Variants in RAB6C observed in about 807,000 individuals in gnomAD.
The protein encoded by RAB6C is ras-related protein Rab-6C.
In RAB6C, 8 loss-of-function variants were observed where a neutral mutation model predicts 17.2. The ratio of observed to expected loss-of-function variants is 0.46; its 90% confidence interval spans 0.27 to 0.84. The LOEUF (loss-of-function observed/expected upper bound fraction) is 0.84. Ranked by LOEUF, RAB6C falls within the 40% of genes least tolerant of loss-of-function variation. RAB6C has a pLI of 0.13. For missense variants in RAB6C, 151 were observed against 306.5 expected, an observed-to-expected ratio of 0.49 and a Z score of 3.79; for synonymous variants, 78 against 118.9, an observed-to-expected ratio of 0.66 and a Z score of 2.24.
At position 129,980,344 on chromosome 2, in the gene RAB6C, A is replaced by G. The variant is rs1681733350; in HGVS notation, c.229A>G (p.Ser77Gly). 6.2e-7 allele frequency: 1 copy of G among 1,610,946 alleles called. No individual in the cohort carries two copies. Among genetic ancestry groups the G allele is most frequent in the African/African-American group, 1.4e-5 (1 of 73,814 alleles). ...WDTAGQERLR[S>G]LIPRYIRDSA... The stretch of plus-strand genomic sequence containing the variant: ...TACGGCGGGTCAGGAACGTCTCCGT[A>G]GCCTCATTCCCAGGTACATCCGTGA... The change falls in exon 1 of 1, where the codon AGC (serine) becomes GGC (glycine). Residue 77 changes from serine (S) to glycine (G), a missense_variant. Physicochemically the swap from Ser to Gly is moderately conservative, Grantham distance 56. Coordinates refer to ENST00000410061, the MANE Select transcript of RAB6C (RefSeq NM_032144.3).
Position 129,979,895 on chromosome 2 carries a change from T to C in RAB6C, c.-221T>C. The stretch of plus-strand genomic sequence containing the variant: ...CTTCCCAGCCGCGGGCCTCGCTCCG[T>C]GCTCGGCTACTCTGCCGGGAGGCGG... On this transcript the variant is annotated 5_prime_UTR_variant, in exon 1 of 1. Transcript: ENST00000410061. The C allele has an allele frequency of 2.5e-6, 2 of 798,274 alleles. No individual in the cohort carries two copies. The highest frequency in any genetic ancestry group is 3.9e-6 in the Non-Finnish European group (2 of 506,336). 49.4% of individuals were successfully genotyped at this position (798,274 alleles called of 1,614,324 possible).
Position 129,981,052 on chromosome 2 carries a change from C to T in RAB6C, c.*172C>T, listed in dbSNP as rs1681755145. The stretch of plus-strand genomic sequence containing the variant: ...ATGTACTTCAAAATGATGGAAATCT[C>T]AACAGTATGAGTATGGCTTGGTTAA... On this transcript the variant is annotated 3_prime_UTR_variant, in exon 1 of 1. Coordinates refer to ENST00000410061, the MANE Select transcript of RAB6C (RefSeq NM_032144.3). The T allele has an allele frequency of 4.5e-6, 3 of 672,800 alleles. No homozygotes were observed. Among genetic ancestry groups the T allele is most frequent in the Non-Finnish European group, 2.5e-6 (1 of 393,962 alleles). 41.7% of individuals were successfully genotyped at this position (672,800 alleles called of 1,614,324 possible).
In RAB6C at chr2:129,981,002, T is replaced by G; in HGVS notation, c.*122T>G. 3 of 1,374,526 alleles carry G rather than the reference T, an allele frequency of 2.2e-6. No homozygotes were observed. The highest frequency in any genetic ancestry group is 3.0e-5 in the South Asian group (2 of 66,110). 85.1% of individuals were successfully genotyped at this position (1,374,526 alleles called of 1,614,324 possible). On this transcript the variant is annotated 3_prime_UTR_variant, in exon 1 of 1. Transcript: ENST00000410061. Reference sequence around the variant, plus strand: ...AAAATTAGATACATTTTCTTAACATTTTTTTCTTTTTTAATGTTATGATAA... The same window carrying G: ...AAAATTAGATACATTTTCTTAACATGTTTTTCTTTTTTAATGTTATGATAA...
rs1270729041 is a variant in RAB6C, at chr2:129,980,775, G to A, written c.660G>A (p.Lys220=). ...SPMSSSTLPQ[K]PPYSFIDCSV... is the part of the protein sequence containing the mutation. ...TGTCATCTTCAACCCTTCCTCAGAAGCCCCCTTACTCTTTCATTGACTGCA... is the reference window on the plus strand; with the variant it reads ...TGTCATCTTCAACCCTTCCTCAGAAACCCCCTTACTCTTTCATTGACTGCA... The change falls in exon 1 of 1, where the codon AAG becomes AAA. Residue 220 remains lysine, a synonymous_variant. Coordinates refer to ENST00000410061, the MANE Select transcript of RAB6C (RefSeq NM_032144.3). 1.2e-6 allele frequency: 2 copies of A among 1,605,166 alleles called. No homozygotes were observed. The highest frequency in any genetic ancestry group is 4.5e-5 in the East Asian group (2 of 44,606).
chr2:129,980,662 G>A lies in RAB6C; in HGVS notation c.547G>A (p.Gly183Arg), dbSNP rs747296971. The A allele has an allele frequency of 4.3e-6, 7 of 1,611,136 alleles. No individual in the cohort carries two copies. The highest frequency in any genetic ancestry group is 1.6e-4 in the Middle Eastern group (1 of 6,084). The change falls in exon 1 of 1, where the codon GGA (glycine) becomes AGA (arginine). Residue 183 changes from glycine to arginine, a missense_variant. Gly to Arg is a moderately radical substitution (Grantham distance 125, BLOSUM62 -2). This residue lies in a region of RAB6C where 136 missense variants were observed against 200.0 expected (regional missense o/e 0.68). Transcript: ENST00000410061. ...ALPGMESTQD[G>R]SREDMSDIKL... ...GCCGGGAATGGAAAGCACACAGGAC[G>A]GAAGCAGAGAAGACATGAGTGACAT... is the stretch of plus-strand genomic sequence containing the variant.
chr2:129,980,493 T>A lies in RAB6C; in HGVS notation c.378T>A (p.Asn126Lys). 1 of 1,614,120 alleles carries A rather than the reference T, an allele frequency of 6.2e-7. No homozygotes were observed. Among genetic ancestry groups the A allele is most frequent in the Middle Eastern group, 1.6e-4 (1 of 6,062 alleles). The change falls in exon 1 of 1, where the codon AAT (asparagine) becomes AAA (lysine). Residue 126 changes from asparagine to lysine, a missense_variant. Physicochemically the swap from Asn to Lys is moderately conservative, Grantham distance 94. Transcript: ENST00000410061. ...GSDVIITLVGNRTDLADKRQV... is the reference protein window; with the variant it reads ...GSDVIITLVGKRTDLADKRQV... ...ATGTTATCATCACGCTAGTAGGAAATAGAACAGATCTTGCTGACAAGAGGC... is the reference window on the plus strand; with the variant it reads ...ATGTTATCATCACGCTAGTAGGAAAAAGAACAGATCTTGCTGACAAGAGGC...
Position 129,979,929 on chromosome 2 carries a change from G to C in RAB6C, c.-187G>C. ...ACTCTGCCGGGAGGCGGCGGCGGCT[G>C]CCAGTCTGTGGCGAGCCCTGCTGCC... On this transcript the variant is annotated 5_prime_UTR_variant, in exon 1 of 1. Transcript: ENST00000410061. 9.2e-7 allele frequency: 1 copy of C among 1,082,570 alleles called. No homozygotes were observed. The highest frequency in any genetic ancestry group is 1.3e-6 in the Non-Finnish European group (1 of 765,330). The allele number at this position is 1,082,570 out of a possible 1,614,324, so 67.1% of individuals were successfully genotyped here.
At position 129,980,605 on chromosome 2, in the gene RAB6C, A is replaced by G. The variant is rs368073418; in HGVS notation, c.490A>G (p.Lys164Glu). The change falls in exon 1 of 1, where the codon AAG (lysine) becomes GAG (glutamate). Residue 164 changes from lysine to glutamate, a missense_variant. Physicochemically the swap from Lys to Glu is moderately conservative, Grantham distance 56. Around this residue, in one of 2 missense-constraint regions of RAB6C, gnomAD observed 136 missense variants for 200.0 expected, o/e 0.68. Transcript: ENST00000410061. Reference sequence around the variant, plus strand: ...TAGGGCAAAAGCTGGATACAATGTAAAGCAGCTCTTTCGACGTGTAGCAGC... The same window carrying G: ...TAGGGCAAAAGCTGGATACAATGTAGAGCAGCTCTTTCGACGTGTAGCAGC... ...ETRAKAGYNV[K>E]QLFRRVAAAL... is the part of the protein sequence containing the mutation. 6.2e-6 allele frequency: 10 copies of G among 1,613,300 alleles called. No homozygotes were observed. The highest frequency in any genetic ancestry group is 8.5e-6 in the Non-Finnish European group (10 of 1,179,772).
chr2:129,980,798 G>T lies in RAB6C; in HGVS notation c.683G>T (p.Cys228Phe). The T allele has an allele frequency of 1.3e-6, 2 of 1,587,298 alleles. No homozygotes were observed. The highest frequency in any genetic ancestry group is 1.2e-5 in the South Asian group (1 of 86,250). ...PQKPPYSFID[C>F]SVNIGLNLFP... ...AAGCCCCCTTACTCTTTCATTGACT[G>T]CAGTGTGAATATTGGCTTGAACCTT... Residue 228 changes from cysteine (C) to phenylalanine (F), a missense_variant, in exon 1 of 1, where the codon TGC becomes TTC. Cys to Phe is a radical substitution (Grantham distance 205). Transcript: ENST00000410061.
In RAB6C at chr2:129,980,820, C is replaced by T. The variant is rs759931171; in HGVS notation, c.705C>T (p.Asn235=). ...FIDCSVNIGL[N]LFPSLITFCN... ...ACTGCAGTGTGAATATTGGCTTGAA[C>T]CTTTTCCCTTCATTAATAACGTTTT... Residue 235 remains asparagine (N), a synonymous_variant, in exon 1 of 1, where the codon AAC becomes AAT. Coordinates refer to ENST00000410061, the MANE Select transcript of RAB6C (RefSeq NM_032144.3). 6.3e-7 allele frequency: 1 copy of T among 1,594,868 alleles called. No individual in the cohort carries two copies.
rs1246637348 is a variant in RAB6C at position 129,980,179 on chromosome 2, C to A, written c.64C>A (p.Gln22Lys). Residue 22 changes from glutamine (Q) to lysine (K), a missense_variant, in exon 1 of 1, where the codon CAA becomes AAA. By Grantham distance (53) the Gln-to-Lys change is moderately conservative. Around this residue, in one of 2 missense-constraint regions of RAB6C, gnomAD observed 15 missense variants for 106.6 expected, o/e 0.14. Transcript: ENST00000410061. ...ATTCAAGCTGGTGTTCCTGGGGGAGCAAAGCGTTGCAAAGACATCTTTGAT... is the reference window on the plus strand; with the variant it reads ...ATTCAAGCTGGTGTTCCTGGGGGAGAAAAGCGTTGCAAAGACATCTTTGAT... ...RKFKLVFLGE[Q>K]SVAKTSLITR... 6.2e-7 allele frequency: 1 copy of A among 1,604,054 alleles called. No homozygotes were observed. The highest frequency in any genetic ancestry group is 2.2e-5 in the East Asian group (1 of 44,626).
chr2:129,980,910 C>T lies in RAB6C; in HGVS notation c.*30C>T, dbSNP rs1433324872. The stretch of plus-strand genomic sequence containing the variant: ...TTAGCTTCACAAGCACAAAAAAAGT[C>T]AGCGTCTTCATTATTTATATTTTAC... On this transcript the variant is annotated 3_prime_UTR_variant, in exon 1 of 1. Coordinates refer to ENST00000410061, the MANE Select transcript of RAB6C (RefSeq NM_032144.3). 1.3e-6 allele frequency: 2 copies of T among 1,574,000 alleles called. No individual in the cohort carries two copies. Among genetic ancestry groups the T allele is most frequent in the Non-Finnish European group, 1.7e-6 (2 of 1,160,610 alleles).
chr2:129,981,850 T>C lies in RAB6C; in HGVS notation c.*970T>C, dbSNP rs1681771232. On this transcript the variant is annotated 3_prime_UTR_variant, in exon 1 of 1. Transcript: ENST00000410061. ...CTCAGCAGAATAGCAAAAACTTTGC[T>C]CAGGACATTTGAGGTCAAATTGAAG... 1 of 158,832 alleles carries C rather than the reference T, an allele frequency of 6.3e-6. No individual in the cohort carries two copies. The highest frequency in any genetic ancestry group is 7.2e-5 in the Admixed American group (1 of 13,890). The allele number at this position is 158,832 out of a possible 1,614,324, so 9.8% of individuals were successfully genotyped here.
In RAB6C at chr2:129,982,655, T is replaced by G. The variant is rs1428322837; in HGVS notation, c.*1775T>G. ...ATGGAGTTATAAAGTGCTTTTATAA[T>G]ACAATATAATTGCTAAAGGCAAGGG... On this transcript the variant is annotated 3_prime_UTR_variant, in exon 1 of 1. Transcript: ENST00000410061. 6.0e-6 allele frequency: 1 copy of G among 167,124 alleles called. No homozygotes were observed. Among genetic ancestry groups the G allele is most frequent in the Non-Finnish European group, 1.5e-5 (1 of 68,130 alleles). 10.4% of individuals were successfully genotyped at this position (167,124 alleles called of 1,614,324 possible).
At position 129,981,219 on chromosome 2, in the gene RAB6C, A is replaced by C. The variant is rs1681758590; in HGVS notation, c.*339A>C. 1 of 214,456 alleles carries C rather than the reference A, an allele frequency of 4.7e-6. No homozygotes were observed. Among genetic ancestry groups the C allele is most frequent in the Non-Finnish European group, 1.0e-5 (1 of 97,428 alleles). 13.3% of individuals were successfully genotyped at this position (214,456 alleles called of 1,614,324 possible). ...GAGATGGCAAAGCAGCAGTCCGACCAAGCCCACTGGAATTATCCTTTAATT... is the reference window on the plus strand; with the variant it reads ...GAGATGGCAAAGCAGCAGTCCGACCCAGCCCACTGGAATTATCCTTTAATT... On this transcript the variant is annotated 3_prime_UTR_variant, in exon 1 of 1. Coordinates refer to ENST00000410061, the MANE Select transcript of RAB6C (RefSeq NM_032144.3).
rs1681704949 is a variant in RAB6C at position 129,979,699 on chromosome 2, G to C, written c.-417G>C. On this transcript the variant is annotated 5_prime_UTR_variant, in exon 1 of 1. Transcript: ENST00000410061. ...GGTTGGGCTGCGGCGGCGGCGGCTGGGGAAGCCGAAGCGCCGCGCGTGAGA... is the reference window on the plus strand; with the variant it reads ...GGTTGGGCTGCGGCGGCGGCGGCTGCGGAAGCCGAAGCGCCGCGCGTGAGA... The C allele has an allele frequency of 3.9e-6, 1 of 254,876 alleles. No individual in the cohort carries two copies. The highest frequency in any genetic ancestry group is 7.8e-6 in the Non-Finnish European group (1 of 127,870). The allele number at this position is 254,876 out of a possible 1,614,324, so 15.8% of individuals were successfully genotyped here. A position where few individuals can be genotyped will look rare whatever the true frequency, so the allele number is the denominator to read the frequency against.
chr2:129,982,130 ATTTC>A lies in RAB6C; in HGVS notation c.*1254_*1257del, dbSNP rs1681778606. ...CGATTAATATTTTTTCTTTGGCGATATTTCTTTGCTTTTTTTTTTTTTAACAACT... is the reference window on the plus strand; with the variant it reads ...CGATTAATATTTTTTCTTTGGCGATATTTGCTTTTTTTTTTTTTAACAACT... On this transcript the variant is annotated 3_prime_UTR_variant, in exon 1 of 1. Coordinates refer to ENST00000410061, the MANE Select transcript of RAB6C (RefSeq NM_032144.3). 1 of 156,304 alleles carries A rather than the reference ATTTC, an allele frequency of 6.4e-6. No individual in the cohort carries two copies. The highest frequency in any genetic ancestry group is 2.2e-4 in the South Asian group (1 of 4,558). The allele number at this position is 156,304 out of a possible 1,614,324, so 9.7% of individuals were successfully genotyped here.
In RAB6C at chr2:129,982,217, T is replaced by C. The variant is rs1681780206; in HGVS notation, c.*1337T>C. 6.0e-6 allele frequency: 1 copy of C among 167,154 alleles called. No homozygotes were observed. The highest frequency in any genetic ancestry group is 2.1e-4 in the South Asian group (1 of 4,824). The allele number at this position is 167,154 out of a possible 1,614,324, so 10.4% of individuals were successfully genotyped here. On this transcript the variant is annotated 3_prime_UTR_variant, in exon 1 of 1. Transcript: ENST00000410061. ...AGAGCTTCACCATGGCAATATGTAT[T>C]TCCCTTAAAACACTGCAAACAAATA...
chr2:129,980,794 G>A lies in RAB6C; in HGVS notation c.679G>A (p.Asp227Asn), dbSNP rs202123514. ...TCAGAAGCCCCCTTACTCTTTCATT[G>A]ACTGCAGTGTGAATATTGGCTTGAA... is the stretch of plus-strand genomic sequence containing the variant. ...LPQKPPYSFI[D>N]CSVNIGLNLF... The change falls in exon 1 of 1, where the codon GAC becomes AAC. Residue 227 changes from aspartate (D) to asparagine (N), a missense_variant. By Grantham distance (23) the Asp-to-Asn change is conservative. Transcript: ENST00000410061. 3.6e-3 allele frequency: 5,742 copies of A among 1,593,422 alleles called. 12 individuals carry two copies. Among genetic ancestry groups the A allele is most frequent in the Non-Finnish European group, 4.6e-3 (5,372 of 1,170,438 alleles).
Sources: gnomAD v4.1 joint callset for allele counts on GRCh38, gnomAD v4.1.1 for gene constraint, gnomAD v4.1.1 regional missense constraint, MANE v1.5 for transcripts, NCBI Gene and HGNC (gene_info 2026-07-23, HGNC 2026-07-21) for gene names.